Variants in EYA1 observed in about 807,000 individuals in gnomAD.
EYA1 encodes the protein EYA transcriptional coactivator and phosphatase 1.
A neutral mutation model predicts 82.0 loss-of-function variants in EYA1; 16 were observed. That is an observed-to-expected ratio of 0.20 (90% CI 0.13 to 0.30). EYA1 has a LOEUF of 0.30. Among genes scored for constraint, EYA1 ranks in the 10% least tolerant of loss-of-function variants. The pLI, the probability that EYA1 is intolerant of heterozygous loss-of-function variation, is 1.00. For synonymous variants in EYA1, 261 were observed against 264.4 expected, an observed-to-expected ratio of 0.99 and a Z score of 0.12; for missense variants, 633 against 730.7, an observed-to-expected ratio of 0.87 and a Z score of 1.54.
At chr8:71,296,271 A>T (rs1819583511) in intron 9 of EYA1, among the ~76,000 whole-genome samples, 1 of 152,154 alleles carries the variant, frequency 6.6e-6, no homozygotes, top group African/African-American at 2.4e-5. Context: ...ATAATTTTTG[A>T]ACTCAAAATT....
intron 3 of EYA1, among the ~76,000 whole-genome samples, chr8:71,335,115 G>A (rs1824334509): frequency 6.6e-6 from 1 of 152,170 alleles, no homozygotes; most frequent in South Asian, 2.1e-4. Context: ...TTTGTGGAAG[G>A]TATTCATTTC....
intron 12 of EYA1, among the ~76,000 whole-genome samples, chr8:71,239,694 G>T (rs1227351532): frequency 6.6e-6 from 1 of 152,202 alleles, no homozygotes; most frequent in Non-Finnish European, 1.5e-5. Flanking sequence ...TTGTGGAGGG[G>T]TTTGGAAGCA....
chr8:71,309,416 A>C (rs1821091377), intron 7 of EYA1, among the ~76,000 whole-genome samples: 1 of 152,164 alleles, frequency 6.6e-6, no homozygotes. Flanking sequence ...AATAAATATG[A>C]GAAGAGTGGC....
At chr8:71,390,985 T>C (rs1207491523) in intron 2 of EYA1, among the ~76,000 whole-genome samples, 1 of 152,128 alleles carries the variant, frequency 6.6e-6, no homozygotes, top group Non-Finnish European at 1.5e-5. Context: ...TTTTTGTTTT[T>C]GTTTTTGAGA....
intron 7 of EYA1, among the ~76,000 whole-genome samples, chr8:71,302,233 A>G (rs1012182466): frequency 6.6e-6 from 1 of 152,236 alleles, no homozygotes; most frequent in Non-Finnish European, 1.5e-5. Flanking sequence ...AGCAATAAAT[A>G]CTGACCTCAA....
At chr8:71,478,414 C>T (rs1426270398) in intron 2 of EYA1, among the ~76,000 whole-genome samples, 2 of 152,132 alleles carry the variant, frequency 1.3e-5, no homozygotes, top group African/African-American at 4.8e-5. Flanking sequence ...CCCATCTATA[C>T]AAACAGAGAG....
At chr8:71,435,584 C>T (rs1805953650) in intron 2 of EYA1, among the ~76,000 whole-genome samples, 1 of 152,138 alleles carries the variant, frequency 6.6e-6, no homozygotes, top group South Asian at 2.1e-4. Flanking sequence ...AAGCAGAAGG[C>T]TGTTTATAGA....
intron 2 of EYA1, among the ~76,000 whole-genome samples, chr8:71,372,793 G>T (rs545345189): frequency 6.6e-6 from 1 of 152,218 alleles, no homozygotes; most frequent in African/African-American, 2.4e-5. Flanking sequence ...CCATGACCAA[G>T]TGGGGGTTAT....
intron 2 of EYA1, among the ~76,000 whole-genome samples, chr8:71,485,910 G>A (rs930734851): frequency 2.0e-5 from 3 of 152,162 alleles, no homozygotes; most frequent in Non-Finnish European, 2.9e-5. Flanking sequence ...TATGTTTGAT[G>A]TGTCCTTTAA....
intron 2 of EYA1, among the ~76,000 whole-genome samples, chr8:71,470,469 T>C (rs1229638522): frequency 6.6e-6 from 1 of 152,224 alleles, no homozygotes; most frequent in Middle Eastern, 3.4e-3. Flanking sequence ...GAGTTTCTTT[T>C]TCTATTAGGT....
intron 9 of EYA1, among the ~76,000 whole-genome samples, chr8:71,281,786 C>T: frequency 6.6e-6 from 1 of 152,160 alleles, no homozygotes; most frequent in East Asian, 1.9e-4. Flanking sequence ...AACAAGGGGC[C>T]CACCAGTTTT....
intron 4 of EYA1, among the ~76,000 whole-genome samples, chr8:71,323,180 T>C (rs1217141250): frequency 2.0e-5 from 3 of 152,082 alleles, no homozygotes; most frequent in Admixed American, 1.3e-4. Flanking sequence ...TATACATACA[T>C]ATATATCTAC....
At chr8:71,220,831 AAGGAGGT>A (rs989219085) in intron 12 of EYA1, among the ~76,000 whole-genome samples, 4 of 152,206 alleles carry the variant, frequency 2.6e-5, no homozygotes, top group African/African-American at 9.6e-5. Context: ...ACACTGGTGT[AAGGAGGT>A]AGGAGGAAGG....
intron 2 of EYA1, among the ~76,000 whole-genome samples, chr8:71,496,474 T>A (rs1161775352): frequency 6.6e-6 from 1 of 152,228 alleles, no homozygotes; most frequent in Non-Finnish European, 1.5e-5. Flanking sequence ...TCTATTTATA[T>A]CTAAGCGAAA....
At chr8:71,276,303 A>G (rs1817164991) in intron 9 of EYA1, among the ~76,000 whole-genome samples, 1 of 152,176 alleles carries the variant, frequency 6.6e-6, no homozygotes, top group South Asian at 2.1e-4. Flanking sequence ...TGGCCCTCTT[A>G]TCCCACTGTA....
chr8:71,383,079 T>G (rs1373865), intron 2 of EYA1, among the ~76,000 whole-genome samples: 72,595 of 148,446 alleles, frequency 0.49, 18,986 homozygotes, highest in East Asian at 0.72. Flanking sequence ...GTTACATTGT[T>G]TTCTAACAGC....
intron 4 of EYA1, among the ~76,000 whole-genome samples, chr8:71,325,069 T>A (rs551303319): frequency 6.6e-6 from 1 of 152,198 alleles, no homozygotes; most frequent in Non-Finnish European, 1.5e-5. Flanking sequence ...GTGCACATTA[T>A]CCCTAGGATA....
chr8:71,204,844 T>A (rs139219125), intron 17 of EYA1, among the ~76,000 whole-genome samples: 18 of 152,208 alleles, frequency 1.2e-4, no homozygotes, highest in African/African-American at 4.3e-4. Flanking sequence ...CTCTTTTATT[T>A]ATATATCTGC....
intron 2 of EYA1, among the ~76,000 whole-genome samples, chr8:71,406,499 G>A (rs924283940): frequency 2.0e-5 from 3 of 152,188 alleles, no homozygotes; most frequent in Non-Finnish European, 4.4e-5. Flanking sequence ...GACAGTGGGC[G>A]CAGGCCAGTG....
Sources: gnomAD v4.1 joint callset for allele counts (sites outside exome capture counted in the v4.1 genomes callset) on GRCh38, gnomAD v4.1.1 for gene constraint, MANE v1.5 for transcripts, NCBI Gene and HGNC (gene_info 2026-07-23, HGNC 2026-07-21) for gene names.